Variants in EXT1 observed in about 807,000 individuals in gnomAD.
EXT1 encodes the protein exostosin-1.
Under a neutral mutation model 82.5 loss-of-function variants are expected in EXT1, and 20 were observed. The observed-to-expected ratio is 0.24, with a 90% CI of 0.17 to 0.35. The LOEUF is 0.35. Ranked by LOEUF, EXT1 falls within the 10% of genes least tolerant of loss-of-function variation. The probability of loss-of-function intolerance (pLI) is 1.00; values close to 1 mark genes in which losing one functional copy is unlikely to be tolerated. For missense variants in EXT1, 757 were observed against 936.5 expected (o/e 0.81, Z 2.50); for synonymous variants, 348 against 350.8 (o/e 0.99, Z 0.09).
At chr8:118,096,832 T>C (rs550865694) in intron 1 of EXT1, among the ~76,000 whole-genome samples, 102 of 152,074 alleles carry the variant, frequency 6.7e-4, no homozygotes, top group Admixed American at 5.9e-4. Flanking sequence ...GAACTTGGAG[T>C]AGGAACAGGA....
In EXT1 at chr8:117,830,281, C is replaced by T. The variant is rs750160957; in HGVS notation, c.1233G>A (p.Leu411=). Residue 411 remains leucine, a synonymous_variant, in exon 4 of 11, where the codon TTG becomes TTA. Coordinates refer to ENST00000378204, the MANE Select transcript of EXT1 (RefSeq NM_000127.3). ...CAACTGAAGAAAAATAAGCCTCCCA[C>T]AAGAATTGTGTCTGCTGTCTAAGTG... is the stretch of plus-strand genomic sequence containing the variant. ...ILALRQQTQF[L]WEAYFSSVEK... is the part of the protein sequence containing the mutation. 6.2e-7 allele frequency: 1 copy of T among 1,614,072 alleles called. No homozygotes were observed.
intron 1 of EXT1, among the ~76,000 whole-genome samples, chr8:117,859,456 G>A (rs1812642581): frequency 6.6e-6 from 1 of 152,232 alleles, no homozygotes; most frequent in African/African-American, 2.4e-5. Context: ...TCTGGAAAGT[G>A]TGGTATGGGT....
chr8:117,896,287 C>T (rs1414736707), intron 1 of EXT1, among the ~76,000 whole-genome samples: 1 of 152,224 alleles, frequency 6.6e-6, no homozygotes, highest in Non-Finnish European at 1.5e-5. Context: ...AAATCATCAT[C>T]TTTTGTATTT....
chr8:118,021,531 C>T (rs11562767), intron 1 of EXT1, among the ~76,000 whole-genome samples: 3,867 of 152,228 alleles, frequency 0.025, 147 homozygotes, highest in African/African-American at 0.084. Context: ...TTCTGGAAGA[C>T]GGCCGATTTT....
At chr8:117,947,592 G>A (rs1390529152) in intron 1 of EXT1, among the ~76,000 whole-genome samples, 5 of 152,184 alleles carry the variant, frequency 3.3e-5, no homozygotes, top group African/African-American at 1.2e-4. Context: ...GGGGTTCCTA[G>A]AAAGGATGGT....
chr8:117,932,569 G>C (rs1181534371), intron 1 of EXT1, among the ~76,000 whole-genome samples: 1 of 151,920 alleles, frequency 6.6e-6, no homozygotes, highest in Non-Finnish European at 1.5e-5. Context: ...AGGGTTCTTG[G>C]GTCTGCCCAC....
At position 118,028,195 on chromosome 8, in the gene EXT1, C is replaced by T. The variant is rs536937112; in HGVS notation, c.962+81890G>A. 4.6e-5 allele frequency among the ~76,000 whole-genome samples: 7 copies of T among 152,334 alleles called. No individual in the cohort carries two copies. The South Asian group carries it at 1.2e-3, about 27-fold the overall frequency. ...GATGGCGAAAGTGCCCATGCCTGGA[C>T]GTCTGCGGCAGCCGCTCTCTTCCCA... On this transcript the variant is annotated intron_variant, in intron 1 of 10. Transcript: ENST00000378204.
chr8:118,065,791 G>T (rs1354428086), intron 1 of EXT1, among the ~76,000 whole-genome samples: 1 of 152,226 alleles, frequency 6.6e-6, no homozygotes, highest in East Asian at 1.9e-4. Context: ...AATATTTAGT[G>T]GGTGGGCATT....
At chr8:118,022,465 G>C (rs1443385349) in intron 1 of EXT1, among the ~76,000 whole-genome samples, 1 of 147,248 alleles carries the variant, frequency 6.8e-6, no homozygotes, top group Non-Finnish European at 1.5e-5. Flanking sequence ...AGCCCCCTGA[G>C]TAGCTGGGAT....
intron 1 of EXT1, among the ~76,000 whole-genome samples, chr8:118,026,580 C>A (rs376140901): frequency 6.6e-6 from 1 of 151,224 alleles, no homozygotes; most frequent in East Asian, 1.9e-4. Context: ...CTACGCTAAG[C>A]CTCTGGAGAA....
At chr8:118,069,623 C>G (rs1056384709) in intron 1 of EXT1, among the ~76,000 whole-genome samples, 1 of 152,170 alleles carries the variant, frequency 6.6e-6, no homozygotes, top group African/African-American at 2.4e-5. Context: ...AAATGAACAC[C>G]AGGAAATGGT....
intron 1 of EXT1, among the ~76,000 whole-genome samples, chr8:118,075,560 T>C (rs1817192342): frequency 6.6e-6 from 1 of 152,174 alleles, no homozygotes. Context: ...GTTCTGGGTT[T>C]TGGTTTTTTT....
intron 8 of EXT1, among the ~76,000 whole-genome samples, chr8:117,808,573 G>C (rs573649410): frequency 6.6e-6 from 1 of 152,088 alleles, no homozygotes; most frequent in Non-Finnish European, 1.5e-5. Flanking sequence ...TATCTTTGCC[G>C]TATCTCTTCT....
chr8:118,048,813 T>C (rs577224952), intron 1 of EXT1, among the ~76,000 whole-genome samples: 198 of 152,352 alleles, frequency 1.3e-3, no homozygotes, highest in Middle Eastern at 3.4e-3. Context: ...AAAGCTCTCC[T>C]GCAAAGACAT....
At chr8:117,830,469 A>G in intron 3 of EXT1, 120 bp from the exon 4 acceptor site, 1 of 1,083,802 alleles carries the variant, frequency 9.2e-7, no homozygotes, top group Non-Finnish European at 1.3e-6. Context: ...TAGCATATAG[A>G]TCTACTAAAA....
chr8:117,958,578 A>C (rs962771150), intron 1 of EXT1, among the ~76,000 whole-genome samples: 1 of 152,254 alleles, frequency 6.6e-6, no homozygotes, highest in Admixed American at 6.5e-5. Flanking sequence ...CTTTCTATTT[A>C]AATCATTCTA....
intron 1 of EXT1, among the ~76,000 whole-genome samples, chr8:117,921,676 C>G (rs1241174479): frequency 6.6e-6 from 1 of 152,202 alleles, no homozygotes; most frequent in Non-Finnish European, 1.5e-5. Context: ...AATGCCATCT[C>G]TAAATCTTGT....
chr8:117,994,055 G>A lies in EXT1; in HGVS notation c.962+116030C>T, dbSNP rs547959791. Among the ~76,000 whole-genome samples, 59 of 152,222 alleles carry A rather than the reference G, an allele frequency of 3.9e-4. 1 individual carries two copies. The highest frequency in any genetic ancestry group is 6.2e-4 in the Non-Finnish European group (42 of 68,010). ...CTAAGCAAATACCATCTCTAAAAGC[G>A]GATGCTAGAACTGTGCTGCCCAATG... On this transcript the variant is annotated intron_variant, in intron 1 of 10. Transcript: ENST00000378204.
chr8:117,836,307 TG>T (rs1289817290), intron 2 of EXT1, among the ~76,000 whole-genome samples: 1 of 152,150 alleles, frequency 6.6e-6, no homozygotes, highest in African/African-American at 2.4e-5. Context: ...GAGAGCAACT[TG>T]GAAAAGACAT....
Sources: allele counts gnomAD v4.1 joint callset (sites outside exome capture counted in the v4.1 genomes callset), GRCh38; gene constraint gnomAD v4.1.1; transcripts MANE v1.5; gene names NCBI Gene and HGNC (gene_info 2026-07-23, HGNC 2026-07-21).